Variants in ELOVL7 observed in about 807,000 individuals in gnomAD.
ELOVL7 encodes very long chain fatty acid elongase 7.
ELOVL7 carries 27 observed loss-of-function variants against 35.7 expected under a neutral mutation model. The observed-to-expected ratio is 0.76, with a 90% CI of 0.56 to 1.04. ELOVL7 has a LOEUF of 1.04. Among genes scored for constraint, ELOVL7 ranks in the 50% least tolerant of loss-of-function variants. ELOVL7 has a pLI of 0.00. For synonymous variants in ELOVL7, 113 were observed against 114.6 expected (o/e 0.99, Z 0.09); for missense variants, 327 against 340.8 (o/e 0.96, Z 0.32).
intron 1 of ELOVL7, among the ~76,000 whole-genome samples, chr5:60,837,553 CA>C (rs942824005): frequency 1.3e-5 from 2 of 152,190 alleles, no homozygotes; most frequent in African/African-American, 4.8e-5. Flanking sequence ...AATGTAAATG[CA>C]GCCTTGAGTA....
At chr5:60,829,919 G>C (rs1427432246) in intron 1 of ELOVL7, among the ~76,000 whole-genome samples, 1 of 152,186 alleles carries the variant, frequency 6.6e-6, no homozygotes, top group Non-Finnish European at 1.5e-5. Context: ...ATAGAAGAGA[G>C]AAAAAGTTTA....
intron 1 of ELOVL7, among the ~76,000 whole-genome samples, chr5:60,843,156 G>C (rs923443781): frequency 1.3e-5 from 2 of 152,126 alleles, no homozygotes; most frequent in Admixed American, 6.5e-5. Context: ...TAGCAAGAGG[G>C]AAAAGACCAC....
At chr5:60,840,307 T>C (rs1019570667) in intron 1 of ELOVL7, among the ~76,000 whole-genome samples, 5 of 151,962 alleles carry the variant, frequency 3.3e-5, no homozygotes, top group Non-Finnish European at 5.9e-5. Context: ...CTAAATCCAA[T>C]ATGACTGGTG....
intron 1 of ELOVL7, among the ~76,000 whole-genome samples, chr5:60,839,912 G>A (rs1220974214): frequency 6.6e-6 from 1 of 151,958 alleles, no homozygotes; most frequent in Non-Finnish European, 1.5e-5. Flanking sequence ...GAAGTGGGAG[G>A]ATTGCTTGAG....
intron 6 of ELOVL7, among the ~76,000 whole-genome samples, chr5:60,764,714 T>C (rs1413705656): frequency 6.6e-6 from 1 of 152,130 alleles, no homozygotes; most frequent in East Asian, 1.9e-4. Context: ...ATATTCTACA[T>C]TGCTTTCTAA....
intron 6 of ELOVL7, among the ~76,000 whole-genome samples, chr5:60,765,975 C>T (rs1057328651): frequency 1.3e-5 from 2 of 152,136 alleles, no homozygotes; most frequent in Non-Finnish European, 2.9e-5. Context: ...AAATCACAGA[C>T]GCTAATTTGT....
intron 4 of ELOVL7, among the ~76,000 whole-genome samples, chr5:60,770,029 T>C (rs4623105): frequency 0.28 from 41,258 of 148,360 alleles, 9,489 homozygotes; most frequent in African/African-American, 0.63. Flanking sequence ...CCAGCTTGGG[T>C]GACAGAGCGA....
At chr5:60,785,645 A>G (rs1442078817) in intron 3 of ELOVL7, among the ~76,000 whole-genome samples, 3 of 152,232 alleles carry the variant, frequency 2.0e-5, no homozygotes, top group Non-Finnish European at 4.4e-5. Context: ...TAGTATTTAA[A>G]TTAATACTGA....
intron 8 of ELOVL7, 106 bp downstream of exon 8, chr5:60,757,403 C>T: frequency 8.4e-7 from 1 of 1,185,932 alleles, no homozygotes; most frequent in Non-Finnish European, 1.2e-6. Flanking sequence ...CGCTCTACCC[C>T]TATTGTTTTG....
chr5:60,785,208 C>T (rs574809975), intron 3 of ELOVL7, among the ~76,000 whole-genome samples: 3 of 152,178 alleles, frequency 2.0e-5, no homozygotes, highest in Non-Finnish European at 4.4e-5. Flanking sequence ...CTTGCCTTCT[C>T]CCTGCCTCTC....
Position 60,787,394 on chromosome 5 carries a change from C to T in ELOVL7, c.4G>A (p.Ala2Thr), listed in dbSNP as rs993148481. M[A>T]FSDLTSRTVH... ...GTCCTCGATGTAAGATCACTGAAGG[C>T]CATTTTCCACAGGATTTACTGGCTC... Residue 2 changes from alanine (A) to threonine (T), a missense_variant, in exon 3 of 9, where the codon GCC (alanine) becomes ACC (threonine). Transcript: ENST00000508821. 4.4e-6 allele frequency: 7 copies of T among 1,597,954 alleles called. No individual in the cohort carries two copies. The highest frequency in any genetic ancestry group is 5.1e-6 in the Non-Finnish European group (6 of 1,174,156).
At chr5:60,773,591 A>G (rs1051778370) in intron 3 of ELOVL7, among the ~76,000 whole-genome samples, 8 of 152,220 alleles carry the variant, frequency 5.3e-5, no homozygotes, top group Non-Finnish European at 1.0e-4. Flanking sequence ...AAGAGTCAAG[A>G]GTCAGCTCCA....
At chr5:60,756,085 T>C (rs1218926091) in intron 8 of ELOVL7, among the ~76,000 whole-genome samples, 1 of 152,188 alleles carries the variant, frequency 6.6e-6, no homozygotes, top group Non-Finnish European at 1.5e-5. Context: ...TTAGGAAGGC[T>C]AAACGATATC....
At chr5:60,766,681 T>C in intron 5 of ELOVL7, 51 bp from the exon 6 acceptor site, 2 of 1,535,450 alleles carry the variant, frequency 1.3e-6, no homozygotes, top group South Asian at 1.2e-5. Context: ...GAAGAAAAGC[T>C]TATATTTTTA....
At position 60,798,126 on chromosome 5, in the gene ELOVL7, GC is replaced by G. The variant is rs1018475224; in HGVS notation, c.-35+1053del. Reference sequence around the variant, plus strand: ...CCTAAAATGTATAAAACTAAGCTGTGCCCCGACCACCTTGGGCACATGTTGT... The same window carrying G: ...CCTAAAATGTATAAAACTAAGCTGTGCCCGACCACCTTGGGCACATGTTGT... On this transcript the variant is annotated intron_variant, in intron 2 of 8. Transcript: ENST00000508821. Among the ~76,000 whole-genome samples, 7 of 152,188 alleles carry G rather than the reference GC, an allele frequency of 4.6e-5. 1 individual carries two copies. The highest frequency in any genetic ancestry group is 1.7e-4 in the African/African-American group (7 of 41,536).
At chr5:60,834,215 A>C (rs1244718651) in intron 1 of ELOVL7, among the ~76,000 whole-genome samples, 16 of 151,610 alleles carry the variant, frequency 1.1e-4, no homozygotes, top group African/African-American at 2.2e-4. Context: ...GATCTCGGCT[A>C]ACTGCAAGCT....
intron 1 of ELOVL7, among the ~76,000 whole-genome samples, chr5:60,829,598 G>C (rs1207188573): frequency 6.6e-6 from 1 of 152,128 alleles, no homozygotes; most frequent in South Asian, 2.1e-4. Context: ...CAGCAGGATG[G>C]AAAGAGTGAG....
chr5:60,778,674 T>A (rs901894579), intron 3 of ELOVL7, among the ~76,000 whole-genome samples: 1 of 152,198 alleles, frequency 6.6e-6, no homozygotes. Context: ...TAATTCAAGA[T>A]GAAATTTGGG....
At chr5:60,825,535 G>A (rs6894795) in intron 1 of ELOVL7, among the ~76,000 whole-genome samples, 1 of 152,134 alleles carries the variant, frequency 6.6e-6, no homozygotes, top group Non-Finnish European at 1.5e-5. Flanking sequence ...GGGCAGGGAT[G>A]TTCTTCTGTT....
Sources: allele counts gnomAD v4.1 joint callset (sites outside exome capture counted in the v4.1 genomes callset), GRCh38; gene constraint gnomAD v4.1.1; transcripts MANE v1.5; gene names NCBI Gene and HGNC (gene_info 2026-07-23, HGNC 2026-07-21).